The following GLG1 variants were observed in gnomAD, a reference collection of about 807,000 sequenced individuals.
GLG1 encodes golgi glycoprotein 1.
A neutral mutation model predicts 160.5 loss-of-function variants in GLG1; 38 were observed. That is an observed-to-expected ratio of 0.24 (90% CI 0.18 to 0.31). The LOEUF is 0.31. Among genes scored for constraint, GLG1 ranks in the 10% least tolerant of loss-of-function variants. GLG1 has a pLI of 1.00. For synonymous variants in GLG1, 644 were observed against 543.4 expected (o/e 1.19, Z -2.57); for missense variants, 1,373 against 1,505.2 (o/e 0.91, Z 1.45).
intron 1 of GLG1, among the ~76,000 whole-genome samples, chr16:74,597,447 AAAG>A (rs1337555637): frequency 6.6e-6 from 1 of 150,582 alleles, no homozygotes; most frequent in African/African-American, 2.4e-5. Flanking sequence ...AAAAAAAAAG[AAAG>A]AAAAAAGAAA....
In GLG1 at chr16:74,593,859, ATTGT is replaced by A. The variant is rs576856093; in HGVS notation, c.438+12794_438+12797del. Among the ~76,000 whole-genome samples the A allele has an allele frequency of 2.9e-3, 437 of 152,138 alleles. 1 individual carries two copies. Among genetic ancestry groups the A allele is most frequent in the African/African-American group, 0.01 (416 of 41,506 alleles). ...TTTTACTCATCTACCATTTCACTTC[ATTGT>A]TTATCATTCTTATGATTTTAAATAA... On this transcript the variant is annotated intron_variant, in intron 1 of 25. Coordinates refer to ENST00000422840, the MANE Select transcript of GLG1 (RefSeq NM_001145667.2).
chr16:74,554,693 A>C (rs1036175735), intron 1 of GLG1, among the ~76,000 whole-genome samples: 1 of 152,232 alleles, frequency 6.6e-6, no homozygotes, highest in Non-Finnish European at 1.5e-5. Flanking sequence ...GAACTTTGGT[A>C]AAGTGCATGA....
At chr16:74,597,102 G>C (rs767346873) in intron 1 of GLG1, among the ~76,000 whole-genome samples, 2 of 151,844 alleles carry the variant, frequency 1.3e-5, no homozygotes, top group Admixed American at 6.6e-5. Context: ...CTGGGCAAGA[G>C]AGTGAGACCT....
chr16:74,545,142 T>C (rs1253053173), intron 1 of GLG1, among the ~76,000 whole-genome samples: 1 of 152,200 alleles, frequency 6.6e-6, no homozygotes, highest in Admixed American at 6.5e-5. Context: ...TGGAAAGATC[T>C]AATCCTAATG....
chr16:74,541,336 A>G (rs529456310), intron 1 of GLG1, among the ~76,000 whole-genome samples: 2 of 151,878 alleles, frequency 1.3e-5, no homozygotes, highest in African/African-American at 4.8e-5. Flanking sequence ...AAAAAAAAAA[A>G]AAAAAAAAGT....
chr16:74,513,064 G>A (rs760847354), intron 2 of GLG1, among the ~76,000 whole-genome samples: 18 of 152,278 alleles, frequency 1.2e-4, no homozygotes, highest in African/African-American at 2.9e-4. Context: ...GAGATGGGGC[G>A]CAGGGGTCAG....
intron 1 of GLG1, among the ~76,000 whole-genome samples, chr16:74,537,909 A>G (rs552196041): frequency 2.0e-5 from 3 of 152,306 alleles, no homozygotes; most frequent in East Asian, 1.9e-4. Flanking sequence ...GTTTTTACAG[A>G]AAGTCTGGAA....
At chr16:74,491,851 T>C (rs1332865594) in intron 7 of GLG1, among the ~76,000 whole-genome samples, 1 of 151,272 alleles carries the variant, frequency 6.6e-6, no homozygotes, top group African/African-American at 2.4e-5. Context: ...GTGGTCTCGA[T>C]CTCCTGACCT....
At chr16:74,515,762 T>C (rs751798343) in intron 2 of GLG1, among the ~76,000 whole-genome samples, 1 of 151,524 alleles carries the variant, frequency 6.6e-6, no homozygotes, top group African/African-American at 2.4e-5. Flanking sequence ...GCAAACTGGA[T>C]AAAGAGTCAA....
chr16:74,588,193 G>A (rs989182678), intron 1 of GLG1, among the ~76,000 whole-genome samples: 1 of 151,650 alleles, frequency 6.6e-6, no homozygotes, highest in Non-Finnish European at 1.5e-5. Flanking sequence ...GAGAGAAAGA[G>A]GGACAAAAAA....
At chr16:74,589,810 G>A (rs1038440199) in intron 1 of GLG1, among the ~76,000 whole-genome samples, 8 of 152,036 alleles carry the variant, frequency 5.3e-5, no homozygotes, top group Admixed American at 5.3e-4. Flanking sequence ...GGTGGTACAC[G>A]CCTGTGGTCC....
chr16:74,506,604 A>AAAAAAAAAAAAAC (rs1555511216), intron 3 of GLG1, among the ~76,000 whole-genome samples: 24 of 142,934 alleles, frequency 1.7e-4, no homozygotes, highest in Non-Finnish European at 3.2e-4. Context: ...AAAAAAAAAA[A>AAAAAAAAAAAAAC]CTCAAGAGAA....
intron 25 of GLG1, among the ~76,000 whole-genome samples, chr16:74,454,341 G>T (rs912966275): frequency 1.3e-5 from 2 of 151,720 alleles, no homozygotes; most frequent in East Asian, 3.9e-4. Context: ...GAGTAGCTGA[G>T]ACTACAAGTG....
intron 1 of GLG1, among the ~76,000 whole-genome samples, chr16:74,535,600 T>C (rs2017666923): frequency 6.6e-6 from 1 of 152,162 alleles, no homozygotes; most frequent in Non-Finnish European, 1.5e-5. Context: ...AGCTGGTTAA[T>C]TTTTTAAAAT....
At chr16:74,457,651 C>T (rs925865960) in intron 24 of GLG1, among the ~76,000 whole-genome samples, 1 of 152,152 alleles carries the variant, frequency 6.6e-6, no homozygotes, top group Non-Finnish European at 1.5e-5. Context: ...TCTTTAGCTC[C>T]AGTCATGACA....
chr16:74,598,815 T>C (rs1354310679), intron 1 of GLG1, among the ~76,000 whole-genome samples: 1 of 151,290 alleles, frequency 6.6e-6, no homozygotes, highest in Non-Finnish European at 1.5e-5. Flanking sequence ...ACCCGAGAGG[T>C]GGAGGTTGCA....
At chr16:74,591,854 G>C (rs1373742383) in intron 1 of GLG1, among the ~76,000 whole-genome samples, 2 of 152,046 alleles carry the variant, frequency 1.3e-5, no homozygotes, top group Non-Finnish European at 2.9e-5. Context: ...TTTATACAGG[G>C]AAAAAAAGCA....
Position 74,477,476 on chromosome 16 carries a change from C to T in GLG1, c.1885G>A (p.Val629Ile), listed in dbSNP as rs2015424825. 1.2e-6 allele frequency: 2 copies of T among 1,612,256 alleles called. No individual in the cohort carries two copies. Among genetic ancestry groups the T allele is most frequent in the Admixed American group, 1.7e-5 (1 of 59,990 alleles). ...QRILHQRAMD[V>I]KLDPALQDKC... ...TCCTGGAGGGCAGGATCCAGCTTGA[C>T]ATCCATGGCACGCTGGTGTAGGATC... Residue 629 changes from valine to isoleucine, a missense_variant, in exon 12 of 26, where the codon GTC becomes ATC. Around this residue, in one of 4 missense-constraint regions of GLG1, gnomAD observed 386 missense variants for 388.5 expected, o/e 0.99. Coordinates refer to ENST00000422840, the MANE Select transcript of GLG1 (RefSeq NM_001145667.2).
intron 1 of GLG1, among the ~76,000 whole-genome samples, chr16:74,580,152 A>G (rs1346780539): frequency 6.6e-6 from 1 of 152,142 alleles, no homozygotes; most frequent in African/African-American, 2.4e-5. Context: ...CCTAAATCCT[A>G]AAGGCTATTT....
Sources: allele counts gnomAD v4.1 joint callset (sites outside exome capture counted in the v4.1 genomes callset), GRCh38; gene constraint gnomAD v4.1.1; regional missense constraint gnomAD v4.1.1; transcripts MANE v1.5; gene names NCBI Gene and HGNC (gene_info 2026-07-23, HGNC 2026-07-21).